POU2F1: variants seen among roughly 807,000 people sequenced by gnomAD.
The protein encoded by POU2F1 is POU class 2 homeobox 1.
Under a neutral mutation model 84.9 loss-of-function variants are expected in POU2F1, and 16 were observed. The observed-to-expected ratio is 0.19, with a 90% confidence interval of 0.13 to 0.29. The LOEUF is 0.29. POU2F1 is among the 10% of genes least tolerant of loss of function. The pLI is 1.00. For synonymous variants in POU2F1, 368 were observed against 368.3 expected (o/e 1.00, Z 0.01); for missense variants, 738 against 942.6 (o/e 0.78, Z 2.84).
intron 4 of POU2F1, 44 bp downstream of exon 4, chr1:167,370,258 T>A: frequency 4.0e-6 from 6 of 1,507,704 alleles, no homozygotes; most frequent in Non-Finnish European, 4.5e-6. Context: ...TTATTTATTT[T>A]TTCTTATATT....
chr1:167,318,721 T>G (rs1170186300), intron 1 of POU2F1, among the ~76,000 whole-genome samples: 1 of 152,172 alleles, frequency 6.6e-6, no homozygotes, highest in Non-Finnish European at 1.5e-5. Flanking sequence ...TAGGCGGACA[T>G]TCAAATCCTA....
At chr1:167,221,942 C>A (rs984192817) in intron 1 of POU2F1, among the ~76,000 whole-genome samples, 10 of 152,190 alleles carry the variant, frequency 6.6e-5, no homozygotes, top group African/African-American at 1.9e-4. Flanking sequence ...CGTTGTCGGC[C>A]GGGGCTTCGC....
intron 1 of POU2F1, among the ~76,000 whole-genome samples, chr1:167,283,705 T>C (rs772463161): frequency 7.2e-5 from 11 of 152,300 alleles, no homozygotes; most frequent in Non-Finnish European, 1.3e-4. Context: ...GACACAAGAA[T>C]GGTGTTCAAA....
chr1:167,336,376 A>G (rs767974310), intron 2 of POU2F1, among the ~76,000 whole-genome samples: 5 of 152,224 alleles, frequency 3.3e-5, no homozygotes, highest in Non-Finnish European at 7.3e-5. Flanking sequence ...TTCATCCAGT[A>G]AATTGTGTAT....
At chr1:167,234,996 C>G (rs1649345257) in intron 1 of POU2F1, among the ~76,000 whole-genome samples, 1 of 152,218 alleles carries the variant, frequency 6.6e-6, no homozygotes, top group Admixed American at 6.5e-5. Context: ...CACTTCCTTT[C>G]TCCCATACCA....
intron 1 of POU2F1, among the ~76,000 whole-genome samples, chr1:167,249,025 T>A (rs995606842): frequency 6.6e-6 from 1 of 152,236 alleles, no homozygotes; most frequent in African/African-American, 2.4e-5. Flanking sequence ...AAAGTTAAAC[T>A]CTGGATTGCA....
Position 167,283,049 on chromosome 1 carries a change from A to G in POU2F1, c.62-49421A>G, listed in dbSNP as rs139734475. 1.1e-4 allele frequency among the ~76,000 whole-genome samples: 17 copies of G among 152,332 alleles called. No homozygotes were observed. The East Asian group carries it at 3.3e-3, about 29-fold the overall frequency. ...GTTAACACTTACTGAACATTAACCT[A>G]TTACTATCTTGTGTATACCTCATTC... is the stretch of plus-strand genomic sequence containing the variant. On this transcript the variant is annotated intron_variant, in intron 1 of 15. Coordinates refer to ENST00000367866, the MANE Select transcript of POU2F1 (RefSeq NM_002697.4).
intron 1 of POU2F1, among the ~76,000 whole-genome samples, chr1:167,299,936 A>C (rs1244908323): frequency 2.0e-5 from 3 of 152,152 alleles, no homozygotes; most frequent in Non-Finnish European, 4.4e-5. Context: ...TTTCCAGGTG[A>C]TGCTATGATA....
At chr1:167,354,490 C>T (rs1260987211) in intron 2 of POU2F1, among the ~76,000 whole-genome samples, 1 of 152,100 alleles carries the variant, frequency 6.6e-6, no homozygotes, top group African/African-American at 2.4e-5. Flanking sequence ...CGGGGTTTCA[C>T]CATGTTGGCC....
At chr1:167,224,865 G>A (rs1270674825) in intron 1 of POU2F1, among the ~76,000 whole-genome samples, 1 of 116,418 alleles carries the variant, frequency 8.6e-6, no homozygotes, top group Non-Finnish European at 1.7e-5. Context: ...GTCTTGCTCT[G>A]TCTCCCAGGC....
intron 1 of POU2F1, among the ~76,000 whole-genome samples, chr1:167,248,769 T>TA (rs1425198838): frequency 2.0e-5 from 3 of 152,228 alleles, no homozygotes; most frequent in Non-Finnish European, 4.4e-5. Context: ...AGGTAACATT[T>TA]AATATACAGT....
chr1:167,270,040 G>GT (rs1241155453), intron 1 of POU2F1, among the ~76,000 whole-genome samples: 2 of 152,074 alleles, frequency 1.3e-5, no homozygotes, highest in African/African-American at 4.8e-5. Context: ...CTCTCCCTGA[G>GT]TTTGTGGGTC....
chr1:167,279,133 AAC>A (rs1351440553), intron 1 of POU2F1, among the ~76,000 whole-genome samples: 1 of 152,256 alleles, frequency 6.6e-6, no homozygotes, highest in East Asian at 1.9e-4. Context: ...ATGTTAAATG[AAC>A]ACACATTATG....
At chr1:167,397,918 T>C (rs1648926002) in intron 10 of POU2F1, 76 bp from the exon 11 acceptor site, 1 of 1,415,076 alleles carries the variant, frequency 7.1e-7, no homozygotes, top group East Asian at 2.3e-5. Context: ...GTCAGTTTTG[T>C]TGTTAATATG....
intron 1 of POU2F1, among the ~76,000 whole-genome samples, chr1:167,309,388 A>G (rs1655302897): frequency 6.6e-6 from 1 of 152,094 alleles, no homozygotes; most frequent in Non-Finnish European, 1.5e-5. Flanking sequence ...TTCTCTGTTT[A>G]AGGTTTTAGT....
At chr1:167,357,365 C>CG (rs1659018929) in intron 2 of POU2F1, 1 of 7,136 alleles carries the variant, frequency 1.4e-4, no homozygotes, top group Non-Finnish European at 4.4e-4. Flanking sequence ...CGCCTCCCCC[C>CG]CCACCCCCCC....
intron 1 of POU2F1, among the ~76,000 whole-genome samples, chr1:167,225,273 T>C (rs1250593971): frequency 1.3e-5 from 2 of 152,246 alleles, no homozygotes; most frequent in African/African-American, 4.8e-5. Flanking sequence ...AAAGCAATTT[T>C]TAACCTCTTC....
intron 2 of POU2F1, among the ~76,000 whole-genome samples, chr1:167,339,445 G>A (rs540934868): frequency 2.6e-5 from 4 of 152,166 alleles, no homozygotes; most frequent in South Asian, 2.1e-4. Context: ...AAGTAAAGAA[G>A]TTGTTTGAAG....
intron 15 of POU2F1, chr1:167,414,371 T>C (rs1312027620): frequency 2.0e-6 from 2 of 985,298 alleles, no homozygotes; most frequent in Non-Finnish European, 2.4e-6. Flanking sequence ...AAGTTTGGAA[T>C]CTCAGAAAAA....
Sources: allele counts gnomAD v4.1 joint callset (sites outside exome capture counted in the v4.1 genomes callset), GRCh38; gene constraint gnomAD v4.1.1; transcripts MANE v1.5; gene names NCBI Gene and HGNC (gene_info 2026-07-23, HGNC 2026-07-21).